Variants in HNF1A observed in about 807,000 individuals in gnomAD.
HNF1A encodes the protein hepatocyte nuclear factor 1-alpha.
HNF1A carries 21 observed loss-of-function variants against 62.2 expected under a neutral mutation model. The observed-to-expected ratio is 0.34, with a 90% CI of 0.24 to 0.49. The LOEUF (loss-of-function observed/expected upper bound fraction) is 0.49. Ranked by LOEUF, HNF1A falls within the 20% of genes least tolerant of loss-of-function variation. The probability of loss-of-function intolerance (pLI) is 0.99; values close to 1 mark genes in which losing one functional copy is unlikely to be tolerated. For missense variants in HNF1A, 687 were observed against 832.3 expected (o/e 0.83, Z 2.15); for synonymous variants, 374 against 366.8 (o/e 1.02, Z -0.22).
chr12:121,001,362 C>A lies in HNF1A; in HGVS notation c.*170C>A. 1.2e-6 allele frequency: 1 copy of A among 820,790 alleles called. No homozygotes were observed. The highest frequency in any genetic ancestry group is 1.9e-6 in the Non-Finnish European group (1 of 523,632). The allele number at this position is 820,790 out of a possible 1,614,324, so 50.8% of individuals were successfully genotyped here. A position where few individuals can be genotyped will look rare whatever the true frequency, so the allele number is the denominator to read the frequency against. ...GCATCAGAAAGGGAGGGCTCTGAGG[C>A]GCCCCAACCCGTGGAGGCTGCTCGG... On this transcript the variant is annotated 3_prime_UTR_variant, in exon 10 of 10. Coordinates refer to ENST00000257555, the MANE Select transcript of HNF1A (RefSeq NM_000545.8).
At position 120,997,463 on chromosome 12, in the gene HNF1A, T is replaced by A; in HGVS notation, c.1310-11T>A. 1 of 1,598,242 alleles carries A rather than the reference T, an allele frequency of 6.3e-7. No individual in the cohort carries two copies. The highest frequency in any genetic ancestry group is 1.1e-5 in the South Asian group (1 of 90,276). ...GGGGGGCCCAGCTGATTCCCTCCCCTTCCACTCCAGGCCTGGCCTCCACGC... is the reference window on the plus strand; with the variant it reads ...GGGGGGCCCAGCTGATTCCCTCCCCATCCACTCCAGGCCTGGCCTCCACGC... On this transcript the variant is annotated splice_polypyrimidine_tract_variant and intron_variant, in intron 6 of 9. Coordinates refer to ENST00000257555, the MANE Select transcript of HNF1A (RefSeq NM_000545.8).
At position 121,000,824 on chromosome 12, in the gene HNF1A, C is replaced by T. The variant is rs151102351; in HGVS notation, c.1769-241C>T. The T allele has an allele frequency of 4.5e-4, 249 of 551,962 alleles. 1 individual carries two copies. Among genetic ancestry groups the T allele is most frequent in the African/African-American group, 4.2e-3 (225 of 53,480 alleles). The allele number at this position is 551,962 out of a possible 1,614,324, so 34.2% of individuals were successfully genotyped here. ...ACAACTACCTACCTCGGCATCTCAC[C>T]GGGGCTTCTCCAGTGTTCACACTAA... is the stretch of plus-strand genomic sequence containing the variant. On this transcript the variant is annotated intron_variant, in intron 9 of 9. Transcript: ENST00000257555.
chr12:120,989,416 C>T (rs764562983), intron 2 of HNF1A, among the ~76,000 whole-genome samples: 14 of 152,276 alleles, frequency 9.2e-5, no homozygotes, highest in South Asian at 2.1e-4. Context: ...CACCACCATG[C>T]CTGGCTAATT....
chr12:120,998,814 C>T (rs574361135), intron 7 of HNF1A, among the ~76,000 whole-genome samples: 20 of 152,208 alleles, frequency 1.3e-4, no homozygotes, highest in Non-Finnish European at 2.5e-4. Flanking sequence ...ACTTACTACA[C>T]AGCACCTGAG....
At chr12:120,981,221 G>A (rs991893889) in intron 1 of HNF1A, among the ~76,000 whole-genome samples, 4 of 152,194 alleles carry the variant, frequency 2.6e-5, no homozygotes, top group African/African-American at 7.2e-5. Context: ...CTGGGAAGAC[G>A]GTACAGAGGC....
At chr12:120,985,078 T>C (rs955370148) in intron 1 of HNF1A, among the ~76,000 whole-genome samples, 20 of 151,736 alleles carry the variant, frequency 1.3e-4, no homozygotes, top group Admixed American at 2.6e-4. Flanking sequence ...TCTAAGTAGC[T>C]GGGACTACAG....
intron 7 of HNF1A, 98 bp from the exon 8 acceptor site, chr12:120,999,170 T>C: frequency 6.9e-7 from 1 of 1,446,100 alleles, no homozygotes; most frequent in Non-Finnish European, 9.7e-7. Flanking sequence ...GTCTGGCTGT[T>C]CAGCAGGCCC....
chr12:120,999,278 C>T lies in HNF1A; in HGVS notation c.1512C>T (p.Ser504=), dbSNP rs944413465. The T allele has an allele frequency of 6.2e-7, 1 of 1,613,996 alleles. No individual in the cohort carries two copies. The part of the protein sequence containing the change: ...AQLQSPHALY[S]HKPEVAQYTH... ...CTCCCCTGCGGCCAGCCCTCTACAGCCACAAGCCCGAGGTGGCCCAGTACA... is the reference window on the plus strand; with the variant it reads ...CTCCCCTGCGGCCAGCCCTCTACAGTCACAAGCCCGAGGTGGCCCAGTACA... The change falls in exon 8 of 10, where the codon AGC becomes AGT. Residue 504 remains serine, a synonymous_variant. Transcript: ENST00000257555.
intron 1 of HNF1A, among the ~76,000 whole-genome samples, chr12:120,985,009 G>C (rs1016308541): frequency 6.7e-6 from 1 of 149,406 alleles, no homozygotes; most frequent in African/African-American, 2.5e-5. Context: ...GCAGTGGCGC[G>C]ATCACAGCTC....
At chr12:120,994,780 TCTA>T (rs553195314) in intron 4 of HNF1A, among the ~76,000 whole-genome samples, 66 of 150,820 alleles carry the variant, frequency 4.4e-4, no homozygotes, top group Non-Finnish European at 6.2e-4. Context: ...CTCTACTCCA[TCTA>T]CTACCTTCAA....
chr12:120,986,493 C>T (rs1041835176), intron 1 of HNF1A, among the ~76,000 whole-genome samples: 7 of 152,234 alleles, frequency 4.6e-5, no homozygotes, highest in African/African-American at 1.7e-4. Flanking sequence ...AAAGCACAGG[C>T]TTTGGAATCA....
intron 1 of HNF1A, among the ~76,000 whole-genome samples, chr12:120,981,186 G>T (rs1876233479): frequency 6.8e-6 from 1 of 148,120 alleles, no homozygotes. Flanking sequence ...CCTATTGAAG[G>T]CCTGGGCCAT....
intron 1 of HNF1A, among the ~76,000 whole-genome samples, chr12:120,987,986 C>T (rs1308865494): frequency 2.0e-5 from 3 of 152,188 alleles, no homozygotes; most frequent in Middle Eastern, 3.4e-3. Context: ...AGGTCTCCTT[C>T]GTCCATCCAT....
Position 120,996,752 on chromosome 12 carries a change from T to TG in HNF1A, c.1309+14dup. The TG allele has an allele frequency of 6.2e-7, 1 of 1,613,534 alleles. No homozygotes were observed. Among genetic ancestry groups the TG allele is most frequent in the Non-Finnish European group, 8.5e-7 (1 of 1,179,842 alleles). Reference sequence around the variant, plus strand: ...TCCACCCTGGTCATCGGTAAGCTGGTGGGGATGGGTGGGCACCTGGGTGGG... The same window carrying TG: ...TCCACCCTGGTCATCGGTAAGCTGGTGGGGGATGGGTGGGCACCTGGGTGGG... On this transcript the variant is annotated intron_variant, in intron 6 of 9. Transcript: ENST00000257555. The surrounding 1 kb of genome is among the most constrained non-coding windows in gnomAD (Gnocchi z 4.5).
At chr12:120,998,015 C>T in intron 7 of HNF1A, 1 of 563,010 alleles carries the variant, frequency 1.8e-6, no homozygotes, top group South Asian at 2.0e-5. Context: ...CGTGGTGGCT[C>T]ATGCCTGTAA....
At position 120,978,899 on chromosome 12, in the gene HNF1A, T is replaced by A. The variant is rs757633119; in HGVS notation, c.131T>A (p.Leu44Gln). ...GPYLLAGEGP[L>Q]DKGESCGGGR... ...TACCTCCTGGCTGGAGAAGGCCCCC[T>A]GGACAAGGGGGAGTCCTGCGGCGGC... Residue 44 changes from leucine (L) to glutamine (Q), a missense_variant, in exon 1 of 10, where the codon CTG becomes CAG. Around this residue, in one of 5 missense-constraint regions of HNF1A, gnomAD observed 159 missense variants for 154.4 expected, o/e 1.03. Coordinates refer to ENST00000257555, the MANE Select transcript of HNF1A (RefSeq NM_000545.8). The A allele has an allele frequency of 6.2e-7, 1 of 1,612,980 alleles. No individual in the cohort carries two copies. Among genetic ancestry groups the A allele is most frequent in the Non-Finnish European group, 8.5e-7 (1 of 1,179,616 alleles).
rs373490995 is a variant in HNF1A, at chr12:120,994,442, G to A, written c.955+37G>A. ...GTGGGGACAAGGGACACGTGGGAAGGTGGGAGGGTTGGGGAGGACTGTCCC... is the reference window on the plus strand; with the variant it reads ...GTGGGGACAAGGGACACGTGGGAAGATGGGAGGGTTGGGGAGGACTGTCCC... On this transcript the variant is annotated intron_variant, in intron 4 of 9. Coordinates refer to ENST00000257555, the MANE Select transcript of HNF1A (RefSeq NM_000545.8). 1.4e-5 allele frequency: 22 copies of A among 1,568,048 alleles called. No homozygotes were observed. In the African/African-American group the frequency reaches 3.0e-4, roughly 21 times the overall value.
chr12:121,000,882 G>T, intron 9 of HNF1A, 183 bp from the exon 10 acceptor site: 1 of 771,464 alleles, frequency 1.3e-6, no homozygotes. Context: ...GGCGGCCGTG[G>T]ACCCTGGCTG....
chr12:120,981,331 G>A (rs1298227566), intron 1 of HNF1A, among the ~76,000 whole-genome samples: 1 of 152,156 alleles, frequency 6.6e-6, no homozygotes, highest in Non-Finnish European at 1.5e-5. Context: ...CCCCATGTTG[G>A]TGGCCACAGC....
Sources: gnomAD v4.1 joint callset for allele counts (sites outside exome capture counted in the v4.1 genomes callset) on GRCh38, gnomAD v4.1.1 for gene constraint, gnomAD v4.1.1 regional missense constraint, Gnocchi (gnomAD v3.1) non-coding constraint, MANE v1.5 for transcripts, NCBI Gene and HGNC (gene_info 2026-07-23, HGNC 2026-07-21) for gene names.